LARP4: variants seen among roughly 807,000 people sequenced by gnomAD.
LARP4 encodes la-related protein 4.
A neutral mutation model predicts 92.9 loss-of-function variants in LARP4; 29 were observed. The ratio of observed to expected loss-of-function variants is 0.31; its 90% confidence interval spans 0.23 to 0.43. The LOEUF (loss-of-function observed/expected upper bound fraction) is 0.43. Ranked by LOEUF, LARP4 falls within the 20% of genes least tolerant of loss-of-function variation. The pLI, the probability that LARP4 is intolerant of heterozygous loss-of-function variation, is 1.00. For synonymous variants in LARP4, 279 were observed against 284.1 expected, an observed-to-expected ratio of 0.98 and a Z score of 0.18; for missense variants, 732 against 860.0, an observed-to-expected ratio of 0.85 and a Z score of 1.86.
chr12:50,441,568 T>G, intron 7 of LARP4, 22 bp from the exon 8 acceptor site: 1 of 1,557,918 alleles, frequency 6.4e-7, no homozygotes, highest in Non-Finnish European at 8.7e-7. Context: ...TAATGAAAGT[T>G]TTTTTTGTGC....
intron 1 of LARP4, among the ~76,000 whole-genome samples, chr12:50,411,308 A>G (rs761751373): frequency 4.6e-5 from 7 of 151,572 alleles, no homozygotes; most frequent in Non-Finnish European, 7.4e-5. Flanking sequence ...CTGCCTCCTA[A>G]GTAGCTGGGA....
chr12:50,445,606 T>TTTGTTG (rs1951889541), intron 8 of LARP4, among the ~76,000 whole-genome samples: 1 of 152,184 alleles, frequency 6.6e-6, no homozygotes, highest in Non-Finnish European at 1.5e-5. Context: ...TCTGTTCATT[T>TTTGTTG]TTCTTCAACC....
intron 1 of LARP4, among the ~76,000 whole-genome samples, chr12:50,415,186 A>G (rs995926588): frequency 1.4e-4 from 21 of 152,322 alleles, no homozygotes; most frequent in Non-Finnish European, 2.8e-4. Flanking sequence ...CCTGGGCAAC[A>G]GAGCAGGAGA....
chr12:50,460,095 A>C (rs1955088909), intron 10 of LARP4, among the ~76,000 whole-genome samples: 1 of 151,508 alleles, frequency 6.6e-6, no homozygotes, highest in Non-Finnish European at 1.5e-5. Flanking sequence ...AGATTGCACC[A>C]CTGCGCTCCA....
intron 1 of LARP4, among the ~76,000 whole-genome samples, chr12:50,410,432 G>A (rs1174962881): frequency 6.8e-6 from 1 of 148,012 alleles, no homozygotes; most frequent in African/African-American, 2.5e-5. Flanking sequence ...TTTTGAGATG[G>A]AATCTCGCTG....
intron 8 of LARP4, among the ~76,000 whole-genome samples, chr12:50,447,051 T>G (rs1952326270): frequency 6.6e-6 from 1 of 152,206 alleles, no homozygotes; most frequent in South Asian, 2.1e-4. Flanking sequence ...AGCAACTTGG[T>G]GTGCCTTTGG....
At chr12:50,413,222 C>CAAA (rs59345865) in intron 1 of LARP4, among the ~76,000 whole-genome samples, 2 of 138,976 alleles carry the variant, frequency 1.4e-5, no homozygotes, top group African/African-American at 5.4e-5. Context: ...GACTGTGTCT[C>CAAA]AAAAAAAAAA....
rs140893670 is a variant in LARP4 at position 50,436,246 on chromosome 12, G to GTA, written c.535+636_535+637dup. On this transcript the variant is annotated intron_variant, in intron 5 of 15. Coordinates refer to ENST00000398473, the MANE Select transcript of LARP4 (RefSeq NM_052879.5). ...TGTGTGTGTGTGTATATGTGTGTAT[G>GTA]TATATATATATATATCCTGCTCAGC... Among the ~76,000 whole-genome samples the GTA allele has an allele frequency of 2.9e-3, 428 of 148,086 alleles. 2 individuals carry two copies. The highest frequency in any genetic ancestry group is 4.9e-3 in the South Asian group (23 of 4,682).
chr12:50,428,014 G>C, intron 2 of LARP4, 105 bp downstream of exon 2: 1 of 362,004 alleles, frequency 2.8e-6, no homozygotes, highest in Non-Finnish European at 4.2e-6. Context: ...TTTTTTTTTT[G>C]AGACAGAGTC....
chr12:50,467,262 G>T, intron 13 of LARP4, 142 bp downstream of exon 13: 8 of 552,934 alleles, frequency 1.4e-5, no homozygotes, highest in South Asian at 5.0e-5. Flanking sequence ...TACTTAGAGT[G>T]TTTTTTTAAA....
intron 13 of LARP4, among the ~76,000 whole-genome samples, chr12:50,469,561 G>A (rs1192175000): frequency 6.0e-5 from 8 of 133,966 alleles, no homozygotes; most frequent in East Asian, 2.2e-4. Flanking sequence ...CTGAGATTGC[G>A]CCACTGCACT....
intron 8 of LARP4, among the ~76,000 whole-genome samples, chr12:50,452,994 C>T (rs1265970579): frequency 6.6e-6 from 1 of 151,916 alleles, no homozygotes; most frequent in African/African-American, 2.4e-5. Flanking sequence ...ACAGCAGCCT[C>T]CAGCTCCTTG....
At chr12:50,465,574 G>A (rs1052874507) in intron 12 of LARP4, among the ~76,000 whole-genome samples, 3 of 152,112 alleles carry the variant, frequency 2.0e-5, no homozygotes, top group African/African-American at 7.2e-5. Context: ...AGTAATTGGA[G>A]TGATAAGCTC....
chr12:50,428,919 T>C lies in LARP4; in HGVS notation c.167-16T>C. On this transcript the variant is annotated splice_polypyrimidine_tract_variant and intron_variant, in intron 2 of 15. Coordinates refer to ENST00000398473, the MANE Select transcript of LARP4 (RefSeq NM_052879.5). ...AAATAATTCCCATTTACTTTCAGTG[T>C]CTGTCTTTAATACAGGTAATGCAGA... 1 of 1,540,580 alleles carries C rather than the reference T, an allele frequency of 6.5e-7. No individual in the cohort carries two copies. The highest frequency in any genetic ancestry group is 1.3e-5 in the South Asian group (1 of 78,334).
rs75136788 is a variant in LARP4 at position 50,463,360 on chromosome 12, G to A, written c.1383+730G>A. Reference sequence around the variant, plus strand: ...GCTCTTTGTGAGGCTGAGATGTACGGATCACTTGAGCTCAGGAGTTGGATA... The same window carrying A: ...GCTCTTTGTGAGGCTGAGATGTACGAATCACTTGAGCTCAGGAGTTGGATA... On this transcript the variant is annotated intron_variant, in intron 12 of 15. Transcript: ENST00000398473. 2.1e-3 allele frequency among the ~76,000 whole-genome samples: 308 copies of A among 143,584 alleles called. 1 individual carries two copies. Among genetic ancestry groups the A allele is most frequent in the Non-Finnish European group, 3.6e-3 (241 of 67,340 alleles). The allele number at this position is 143,584 out of a possible 152,430, so 94.2% of individuals were successfully genotyped here.
chr12:50,463,513 C>T (rs1955745597), intron 12 of LARP4, among the ~76,000 whole-genome samples: 1 of 151,806 alleles, frequency 6.6e-6, no homozygotes, highest in African/African-American at 2.4e-5. Flanking sequence ...CAGGCTGATC[C>T]CTTGAGCCCA....
At chr12:50,457,815 A>AAAG (rs1444503315) in intron 10 of LARP4, among the ~76,000 whole-genome samples, 1 of 151,660 alleles carries the variant, frequency 6.6e-6, no homozygotes, top group Non-Finnish European at 1.5e-5. Flanking sequence ...CCTTTCTCAA[A>AAAG]AAAAAAAAAA....
At chr12:50,406,907 G>C (rs918212194) in intron 1 of LARP4, among the ~76,000 whole-genome samples, 1 of 152,024 alleles carries the variant, frequency 6.6e-6, no homozygotes, top group Non-Finnish European at 1.5e-5. Flanking sequence ...TAGTAGAGAC[G>C]AGGTTTCGCC....
chr12:50,465,388 A>G (rs893100185), intron 12 of LARP4, among the ~76,000 whole-genome samples: 4 of 151,074 alleles, frequency 2.6e-5, no homozygotes, highest in African/African-American at 7.3e-5. Context: ...AAAAAAAAAA[A>G]AGAGAGATTA....
Sources: allele counts gnomAD v4.1 joint callset (sites outside exome capture counted in the v4.1 genomes callset), GRCh38; gene constraint gnomAD v4.1.1; transcripts MANE v1.5; gene names NCBI Gene and HGNC (gene_info 2026-07-23, HGNC 2026-07-21).